Variants in SCN10A observed in about 807,000 individuals in gnomAD.
The protein encoded by SCN10A is sodium channel protein type 10 subunit alpha.
Under a neutral mutation model 170.7 loss-of-function variants are expected in SCN10A, and 162 were observed. The ratio of observed to expected loss-of-function variants is 0.95; its 90% CI spans 0.84 to 1.08. SCN10A has a LOEUF of 1.08. SCN10A is among the 50% of genes least tolerant of loss of function. SCN10A has a pLI of 0.00. For missense variants in SCN10A, 2,527 were observed against 2,436.9 expected (o/e 1.04, Z -0.78); for synonymous variants, 985 against 904.6 (o/e 1.09, Z -1.59).
chr3:38,714,067 C>A lies in SCN10A; in HGVS notation c.3695G>T (p.Ser1232Ile), dbSNP rs373750985. ...ATATTCCAGAATCTTCGCTGTGAGA[C>A]TTATCAGTGAGATCTGAGTGCAGGA... ...DFLIVNISLI[S>I]LTAKILEYSE... The change falls in exon 22 of 28, where the codon AGT becomes ATT. Residue 1232 changes from serine to isoleucine, a missense_variant. Transcript: ENST00000449082. The A allele has an allele frequency of 4.3e-6, 7 of 1,614,084 alleles. No individual in the cohort carries two copies. The African/African-American group carries it at 9.3e-5, about 22-fold the overall frequency.
chr3:38,774,145 A>G lies in SCN10A; in HGVS notation c.471-2738T>C, dbSNP rs147468252. On this transcript the variant is annotated intron_variant, in intron 4 of 27. Coordinates refer to ENST00000449082, the MANE Select transcript of SCN10A (RefSeq NM_006514.4). Reference sequence around the variant, plus strand: ...TGTGAGAGGAGAAATCGTGTTTGAAATCATTTAGGAATCTATATCTGGTTG... The same window carrying G: ...TGTGAGAGGAGAAATCGTGTTTGAAGTCATTTAGGAATCTATATCTGGTTG... Among the ~76,000 whole-genome samples the G allele has an allele frequency of 4.4e-3, 674 of 152,318 alleles. 2 individuals are homozygous for G. The highest frequency in any genetic ancestry group is 7.1e-3 in the Non-Finnish European group (483 of 68,028).
intron 27 of SCN10A, 136 bp downstream of exon 27, chr3:38,701,703 A>G (rs2063157709): frequency 1.3e-6 from 1 of 784,170 alleles, no homozygotes; most frequent in Admixed American, 3.0e-5. Context: ...ACTCTTGGAA[A>G]GCTGCAAATA....
chr3:38,720,903 TC>T (rs1296813643), intron 20 of SCN10A, among the ~76,000 whole-genome samples: 2 of 152,190 alleles, frequency 1.3e-5, no homozygotes, highest in African/African-American at 4.8e-5. Context: ...TGCCCAGCCC[TC>T]TCTTGCCCCT....
chr3:38,718,076 G>T (rs914276957), intron 21 of SCN10A, among the ~76,000 whole-genome samples: 2 of 152,212 alleles, frequency 1.3e-5, no homozygotes, highest in Non-Finnish European at 2.9e-5. Flanking sequence ...GGAGGAGGCA[G>T]CAGTATAAGC....
rs572150714 is a variant in SCN10A at position 38,742,470 on chromosome 3, G to A, written c.1927C>T (p.Leu643=). ...PCLTSLSQKY[L]IWDCCPMWVK... ...CACATGGGGCAGCAATCCCAGATCA[G>A]ATACTTCTGAGACAAGCTGGTCAAG... Residue 643 remains leucine (L), a synonymous_variant, in exon 14 of 28, where the codon CTG becomes TTG. Coordinates refer to ENST00000449082, the MANE Select transcript of SCN10A (RefSeq NM_006514.4). 4 of 1,614,200 alleles carry A rather than the reference G, an allele frequency of 2.5e-6. No homozygotes were observed. The East Asian group carries it at 6.7e-5, about 27-fold the overall frequency.
At chr3:38,745,181 G>T (rs2063673482) in intron 13 of SCN10A, among the ~76,000 whole-genome samples, 1 of 152,204 alleles carries the variant, frequency 6.6e-6, no homozygotes, top group South Asian at 2.1e-4. Flanking sequence ...GAACTTGATT[G>T]ATTGCAGAGA....
chr3:38,753,586 T>C (rs2063771972), intron 11 of SCN10A, among the ~76,000 whole-genome samples: 1 of 152,192 alleles, frequency 6.6e-6, no homozygotes, highest in Non-Finnish European at 1.5e-5. Context: ...AATAGAGTAC[T>C]CTCTGCCTGT....
chr3:38,787,073 C>G (rs190564167), intron 4 of SCN10A, among the ~76,000 whole-genome samples: 1 of 152,098 alleles, frequency 6.6e-6, no homozygotes, highest in African/African-American at 2.4e-5. Flanking sequence ...CCAAAAGAAG[C>G]CTGTTGAAAT....
rs68001863 is a variant in SCN10A at position 38,736,361 on chromosome 3, CTGTGTGTGTGTGTGTG to C, written c.2280+3138_2280+3153del. The stretch of plus-strand genomic sequence containing the variant: ...ATAAGATGTTGGTAATAGGGAAACT[CTGTGTGTGTGTGTGTG>C]TGTGTGTGTGTGTGTGTGTGTGTGT... On this transcript the variant is annotated intron_variant, in intron 15 of 27. Transcript: ENST00000449082. Among the ~76,000 whole-genome samples, 539 of 139,462 alleles carry C rather than the reference CTGTGTGTGTGTGTGTG, an allele frequency of 3.9e-3. 2 individuals carry two copies. Among genetic ancestry groups the C allele is most frequent in the African/African-American group, 0.013 (484 of 37,852 alleles). 91.5% of individuals were successfully genotyped at this position (139,462 alleles called of 152,430 possible).
Position 38,756,744 on chromosome 3 carries a change from G to C in SCN10A, c.1220C>G (p.Thr407Ser), listed in dbSNP as rs1219004051. ...CTCCTTTGCTTCAATTTCATCAGTG[G>C]TTGCCTGGTTCTGCTCCTCATACGC... Reference protein sequence around the residue: ...TMAYEEQNQATTDEIEAKEKK... With the variant: ...TMAYEEQNQASTDEIEAKEKK... Residue 407 changes from threonine (T) to serine (S), a missense_variant, in exon 10 of 28, where the codon ACC (threonine) becomes AGC (serine). Transcript: ENST00000449082. 1 of 1,614,132 alleles carries C rather than the reference G, an allele frequency of 6.2e-7. No individual in the cohort carries two copies. Among genetic ancestry groups the C allele is most frequent in the East Asian group, 2.2e-5 (1 of 44,874 alleles).
In SCN10A at chr3:38,793,268, G is replaced by A. The variant is rs191397139; in HGVS notation, c.270+473C>T. Among the ~76,000 whole-genome samples the A allele has an allele frequency of 7.8e-4, 118 of 152,196 alleles. 1 individual carries two copies. The highest frequency in any genetic ancestry group is 3.4e-3 in the Middle Eastern group (1 of 294). On this transcript the variant is annotated intron_variant, in intron 2 of 27. Coordinates refer to ENST00000449082, the MANE Select transcript of SCN10A (RefSeq NM_006514.4). ...AAAAGACAAATTACATCCAAGTATT[G>A]TTATACAATAGTTTTCATTTTATAA...
In SCN10A at chr3:38,742,451, G is replaced by A; in HGVS notation, c.1946C>T (p.Pro649Leu). ...AATTGTCTTGAGCTTCACCCACATG[G>A]GGCAGCAATCCCAGATCAGATACTT... ...SQKYLIWDCC[P>L]MWVKLKTILF... Residue 649 changes from proline to leucine, a missense_variant, in exon 14 of 28, where the codon CCC becomes CTC. Coordinates refer to ENST00000449082, the MANE Select transcript of SCN10A (RefSeq NM_006514.4). 1.2e-6 allele frequency: 2 copies of A among 1,614,160 alleles called. No individual in the cohort carries two copies. The highest frequency in any genetic ancestry group is 1.7e-6 in the Non-Finnish European group (2 of 1,180,044).
At chr3:38,771,164 T>C in intron 5 of SCN10A, 115 bp downstream of exon 5, 1 of 1,127,754 alleles carries the variant, frequency 8.9e-7, no homozygotes, top group Non-Finnish European at 1.3e-6. Flanking sequence ...CAAACGTTCA[T>C]GGTGTGAGTC....
rs56406440 is a variant in SCN10A, at chr3:38,769,239, C to CTTTTTTTTTTTTTTTTT, written c.599+2039_599+2040insAAAAAAAAAAAAAAAAA. On this transcript the variant is annotated intron_variant, in intron 5 of 27. Transcript: ENST00000449082. The stretch of plus-strand genomic sequence containing the variant: ...CACTTAATAATCAGCCTTCTGAATT[C>CTTTTTTTTTTTTTTTTT]TTTTTTTTTTTTTTTTGAGATGGAT... Among the ~76,000 whole-genome samples, 2 of 109,984 alleles carry CTTTTTTTTTTTTTTTTT rather than the reference C, an allele frequency of 1.8e-5. 1 individual carries two copies. The allele number at this position is 109,984 out of a possible 152,430, so 72.2% of individuals were successfully genotyped here.
intron 5 of SCN10A, 49 bp from the exon 6 acceptor site, chr3:38,763,645 G>T: frequency 7.5e-7 from 1 of 1,340,486 alleles, no homozygotes; most frequent in Non-Finnish European, 1.1e-6. Context: ...GGGTCCTGGG[G>T]ATGCATGCAG....
chr3:38,777,078 A>G (rs2064085117), intron 4 of SCN10A, among the ~76,000 whole-genome samples: 2 of 152,100 alleles, frequency 1.3e-5, no homozygotes. Flanking sequence ...GTGAAACATT[A>G]GAAGCACACA....
intron 17 of SCN10A, 126 bp from the exon 18 acceptor site, chr3:38,725,440 TAC>T (rs1559425228): frequency 5.7e-6 from 4 of 706,734 alleles, no homozygotes; most frequent in Non-Finnish European, 4.4e-6. Flanking sequence ...CTCATGTACA[TAC>T]ATATATACAT....
intron 4 of SCN10A, among the ~76,000 whole-genome samples, chr3:38,780,648 C>CT (rs537482386): frequency 0.012 from 1,797 of 148,166 alleles, 13 homozygotes; most frequent in Middle Eastern, 0.038. Flanking sequence ...GCATTTCTCA[C>CT]TTTTTTTTTT....
intron 15 of SCN10A, among the ~76,000 whole-genome samples, chr3:38,735,285 TAA>T (rs1350014325): frequency 6.6e-6 from 1 of 151,798 alleles, no homozygotes; most frequent in Non-Finnish European, 1.5e-5. Context: ...TTAGAATTAA[TAA>T]GAGACATTTC....
Sources: gnomAD v4.1 joint callset for allele counts (sites outside exome capture counted in the v4.1 genomes callset) on GRCh38, gnomAD v4.1.1 for gene constraint, MANE v1.5 for transcripts, NCBI Gene and HGNC (gene_info 2026-07-23, HGNC 2026-07-21) for gene names.